The following FAM185A variants were observed in gnomAD, a reference collection of about 807,000 sequenced individuals.
FAM185A encodes family with sequence similarity 185 member A.
In FAM185A, 21 loss-of-function variants were observed where a neutral mutation model predicts 45.7. The ratio of observed to expected loss-of-function variants is 0.46; its 90% confidence interval spans 0.33 to 0.66. The LOEUF (loss-of-function observed/expected upper bound fraction) is 0.66. Among genes scored for constraint, FAM185A ranks in the 30% least tolerant of loss-of-function variants. The pLI, the probability that FAM185A is intolerant of heterozygous loss-of-function variation, is 0.03. For synonymous variants in FAM185A, 117 were observed against 194.0 expected (o/e 0.60, Z 3.30); for missense variants, 305 against 485.4 (o/e 0.63, Z 3.49).
At chr7:102,799,806 T>A (rs1796668116) in intron 7 of FAM185A, among the ~76,000 whole-genome samples, 1 of 152,076 alleles carries the variant, frequency 6.6e-6, no homozygotes, top group African/African-American at 2.4e-5. Flanking sequence ...CTCAGATGGC[T>A]TATAGGTAAG....
chr7:102,844,901 A>G, the FAM185A span, among the ~76,000 whole-genome samples: 1 of 152,174 alleles, frequency 6.6e-6, no homozygotes, highest in African/African-American at 2.4e-5. Context: ...TCAGGGAAAC[A>G]TGTTTACCAG....
intron 4 of FAM185A, among the ~76,000 whole-genome samples, chr7:102,762,198 T>C (rs974756115): frequency 6.6e-6 from 1 of 151,988 alleles, no homozygotes; most frequent in African/African-American, 2.4e-5. Flanking sequence ...CAGCACCCTG[T>C]TGTTTCCATT....
At chr7:102,772,811 A>G (rs1166951543) in intron 5 of FAM185A, among the ~76,000 whole-genome samples, 1 of 150,900 alleles carries the variant, frequency 6.6e-6, no homozygotes, top group Non-Finnish European at 1.5e-5. Flanking sequence ...ATTTGAAGAC[A>G]ACCTTGTGAA....
the FAM185A span, chr7:102,821,985 A>G: frequency 6.4e-7 from 1 of 1,556,938 alleles, no homozygotes; most frequent in African/African-American, 1.4e-5. Flanking sequence ...GCCATATACT[A>G]TGTTTTCTCA....
At chr7:102,774,207 C>A (rs878877131) in intron 5 of FAM185A, among the ~76,000 whole-genome samples, 1 of 152,136 alleles carries the variant, frequency 6.6e-6, no homozygotes, top group Non-Finnish European at 1.5e-5. Context: ...AACACTGTTA[C>A]AAATGAGACA....
intron 2 of FAM185A, among the ~76,000 whole-genome samples, chr7:102,754,321 C>T (rs1428126417): frequency 6.6e-6 from 1 of 152,174 alleles, no homozygotes; most frequent in Non-Finnish European, 1.5e-5. Context: ...CCACCTCAGC[C>T]TCCCGAGTAG....
At chr7:102,842,382 A>G in the FAM185A span, among the ~76,000 whole-genome samples, 2 of 152,270 alleles carry the variant, frequency 1.3e-5, no homozygotes, top group Admixed American at 6.5e-5. Flanking sequence ...ATGTTGCTAC[A>G]TGGAGCCAAC....
chr7:102,784,287 C>T (rs1380139184), intron 6 of FAM185A, among the ~76,000 whole-genome samples: 1 of 151,718 alleles, frequency 6.6e-6, no homozygotes, highest in African/African-American at 2.4e-5. Flanking sequence ...CCTTCTGAAA[C>T]TATTCCAATC....
At chr7:102,788,917 A>T (rs1795987157) in intron 7 of FAM185A, among the ~76,000 whole-genome samples, 1 of 152,164 alleles carries the variant, frequency 6.6e-6, no homozygotes, top group Non-Finnish European at 1.5e-5. Flanking sequence ...TAAAAGATAA[A>T]ACATGGTACG....
At chr7:102,816,833 C>T in the FAM185A span, among the ~76,000 whole-genome samples, 1 of 152,192 alleles carries the variant, frequency 6.6e-6, no homozygotes, top group African/African-American at 2.4e-5. Context: ...TGGTTAGCTC[C>T]TACTTTTAAG....
At chr7:102,788,794 T>C (rs892172079) in intron 7 of FAM185A, among the ~76,000 whole-genome samples, 15 of 152,206 alleles carry the variant, frequency 9.9e-5, no homozygotes, top group African/African-American at 3.6e-4. Context: ...AGTAGCCTAT[T>C]ATTCCTAGGC....
At chr7:102,845,719 C>G in the FAM185A span, among the ~76,000 whole-genome samples, 1 of 152,218 alleles carries the variant, frequency 6.6e-6, no homozygotes, top group Admixed American at 6.5e-5. Context: ...GCTATCCTGT[C>G]ACCCCTGGAC....
chr7:102,781,912 A>T (rs924952617), intron 6 of FAM185A, among the ~76,000 whole-genome samples: 6 of 152,176 alleles, frequency 3.9e-5, no homozygotes, highest in African/African-American at 1.4e-4. Flanking sequence ...CTTGAAAAAA[A>T]ATTAGATGAA....
the FAM185A span, among the ~76,000 whole-genome samples, chr7:102,848,931 C>T: frequency 2.6e-5 from 4 of 151,958 alleles, no homozygotes; most frequent in South Asian, 2.1e-4. Context: ...ACCCAGGATG[C>T]GGAGGTTGCA....
intron 7 of FAM185A, among the ~76,000 whole-genome samples, chr7:102,795,263 A>G (rs528142432): frequency 6.6e-6 from 1 of 152,338 alleles, no homozygotes; most frequent in African/African-American, 2.4e-5. Flanking sequence ...AGCTGTCACC[A>G]TTAGGGGAAC....
At chr7:102,778,267 A>T (rs539319798) in intron 6 of FAM185A, among the ~76,000 whole-genome samples, 73 of 152,332 alleles carry the variant, frequency 4.8e-4, no homozygotes, top group African/African-American at 1.7e-3. Flanking sequence ...GTTATTGCTG[A>T]TACACCGGTG....
chr7:102,826,970 G>T, the FAM185A span: 1 of 317,046 alleles, frequency 3.2e-6, no homozygotes, highest in Admixed American at 3.0e-5. Context: ...TTATTTGTGA[G>T]AATGTAGCTG....
chr7:102,779,971 A>C (rs1190643171), intron 6 of FAM185A, among the ~76,000 whole-genome samples: 31 of 150,174 alleles, frequency 2.1e-4, no homozygotes, highest in Non-Finnish European at 4.3e-4. Flanking sequence ...TTGGCTTCCC[A>C]AAGTACTGAG....
intron 6 of FAM185A, among the ~76,000 whole-genome samples, chr7:102,785,134 A>C (rs1055349257): frequency 6.6e-6 from 1 of 152,174 alleles, no homozygotes; most frequent in Non-Finnish European, 1.5e-5. Context: ...GACGTGAAGG[A>C]CCTTTTCAAG....
Sources: gnomAD v4.1 joint callset for allele counts (sites outside exome capture counted in the v4.1 genomes callset) on GRCh38, gnomAD v4.1.1 for gene constraint, MANE v1.5 for transcripts, NCBI Gene and HGNC (gene_info 2026-07-23, HGNC 2026-07-21) for gene names.